The following CPPED1 variants were observed in gnomAD, a reference collection of about 807,000 sequenced individuals.
CPPED1 encodes the protein calcineurin like phosphoesterase domain containing 1, also known as serine/threonine-protein phosphatase CPPED1.
A neutral mutation model predicts 28.0 loss-of-function variants in CPPED1; 28 were observed. The observed-to-expected ratio is 1.00, with a 90% CI of 0.74 to 1.37. The LOEUF (loss-of-function observed/expected upper bound fraction) is 1.37. Among genes scored for constraint, CPPED1 ranks in the 40% most tolerant of loss-of-function variants. CPPED1 has a pLI of 0.00. For synonymous variants in CPPED1, 198 were observed against 180.2 expected (o/e 1.10, Z -0.79); for missense variants, 504 against 416.5 (o/e 1.21, Z -1.83).
Position 12,682,317 on chromosome 16 carries a change from C to A in CPPED1, c.716-17202G>T, listed in dbSNP as rs561401030. ...CCCAAAAGTGCTGAGATTACAGACA[C>A]GAGCCACCGCGCCCAGCCCCTTTAT... On this transcript the variant is annotated intron_variant, in intron 3 of 3. Coordinates refer to ENST00000381774, the MANE Select transcript of CPPED1 (RefSeq NM_018340.3). This position sits in a 1 kb window ranked among gnomAD's most constrained non-coding sequence, Gnocchi z 6.1. 1.3e-5 allele frequency among the ~76,000 whole-genome samples: 2 copies of A among 152,094 alleles called. No homozygotes were observed. The highest frequency in any genetic ancestry group is 4.8e-5 in the African/African-American group (2 of 41,416).
At chr16:12,768,299 G>A (rs2080450966) in intron 2 of CPPED1, among the ~76,000 whole-genome samples, 1 of 152,180 alleles carries the variant, frequency 6.6e-6, no homozygotes, top group African/African-American at 2.4e-5. Context: ...AAATAAATAA[G>A]GCGAGGCTCT....
chr16:12,753,235 G>A (rs1016879573), intron 2 of CPPED1: 8 of 152,302 alleles, frequency 5.3e-5, no homozygotes, highest in African/African-American at 1.9e-4. Flanking sequence ...CAGTGATGCT[G>A]TCCTGCAGTG....
At chr16:12,766,375 A>C (rs12598406) in intron 2 of CPPED1, among the ~76,000 whole-genome samples, 24,168 of 150,954 alleles carry the variant, frequency 0.16, 2,565 homozygotes, top group African/African-American at 0.3. Flanking sequence ...GTGAAGGAAA[A>C]GGGGTTTAAT....
At chr16:12,710,030 G>A (rs2080072201) in intron 2 of CPPED1, among the ~76,000 whole-genome samples, 1 of 151,542 alleles carries the variant, frequency 6.6e-6, no homozygotes, top group Non-Finnish European at 1.5e-5. Context: ...GGGAAGGAAA[G>A]GAAAGGGCAT....
rs369945677 is a variant in CPPED1 at position 12,664,978 on chromosome 16, C to T, written c.853G>A (p.Ala285Thr). The change falls in exon 4 of 4, where the codon GCC becomes ACC. Residue 285 changes from alanine (A) to threonine (T), a missense_variant. Coordinates refer to ENST00000381774, the MANE Select transcript of CPPED1 (RefSeq NM_018340.3). The surrounding 1 kb of genome is among the most constrained non-coding windows in gnomAD (Gnocchi z 4.2). ...PHGLRVVVVT[A>T]EKIVHRYYSL... ...TAGTATCGGTGAACAATTTTCTCGG[C>T]GGTGACCACCACGACTCGGAGCCCG... 62 of 1,610,762 alleles carry T rather than the reference C, an allele frequency of 3.8e-5. No individual in the cohort carries two copies. The highest frequency in any genetic ancestry group is 4.8e-5 in the Non-Finnish European group (56 of 1,178,916).
At position 12,713,962 on chromosome 16, in the gene CPPED1, C is replaced by G. The variant is rs537232152; in HGVS notation, c.290-8913G>C. On this transcript the variant is annotated intron_variant, in intron 2 of 3. Transcript: ENST00000381774. ...CCCCCCAACTCCCACCACCCTAATTCTAAGCAATCACTAATCTACCTTCTA... is the reference window on the plus strand; with the variant it reads ...CCCCCCAACTCCCACCACCCTAATTGTAAGCAATCACTAATCTACCTTCTA... 3.0e-4 allele frequency among the ~76,000 whole-genome samples: 46 copies of G among 152,236 alleles called. No individual in the cohort carries two copies. In the South Asian group the frequency reaches 8.3e-3, roughly 27 times the overall value.
chr16:12,767,975 AC>A (rs1420919370), intron 2 of CPPED1, among the ~76,000 whole-genome samples: 1 of 151,916 alleles, frequency 6.6e-6, no homozygotes, highest in African/African-American at 2.4e-5. Flanking sequence ...AAACAAAAAA[AC>A]CCCTGCCCTA....
intron 2 of CPPED1, among the ~76,000 whole-genome samples, chr16:12,728,885 T>A (rs1408794852): frequency 6.6e-6 from 1 of 152,124 alleles, no homozygotes; most frequent in Admixed American, 6.6e-5. Context: ...TCAAAAAGTG[T>A]TCAAAGAATT....
intron 2 of CPPED1, among the ~76,000 whole-genome samples, chr16:12,765,937 T>C (rs1032245055): frequency 2.0e-5 from 3 of 152,304 alleles, no homozygotes; most frequent in East Asian, 1.9e-4. Flanking sequence ...CAGTGCTTCA[T>C]TTCGTTGCAG....
chr16:12,689,385 C>T (rs1026597159), intron 3 of CPPED1, among the ~76,000 whole-genome samples: 21 of 111,236 alleles, frequency 1.9e-4, no homozygotes, highest in Middle Eastern at 5.1e-3. Flanking sequence ...CACCACCATG[C>T]CTGGCTAATT....
chr16:12,717,030 G>C (rs1454175115), intron 2 of CPPED1, among the ~76,000 whole-genome samples: 2 of 152,094 alleles, frequency 1.3e-5, no homozygotes, highest in Admixed American at 6.6e-5. Flanking sequence ...GGTGGAACTA[G>C]GGCCTGCTGA....
In CPPED1 at chr16:12,710,005, AAGGGAAGGAAGGG is replaced by A. The variant is rs1388589322; in HGVS notation, c.290-4969_290-4957del. Among the ~76,000 whole-genome samples, 4 of 150,498 alleles carry A rather than the reference AAGGGAAGGAAGGG, an allele frequency of 2.7e-5. No homozygotes were observed. In the East Asian group the frequency reaches 8.0e-4, roughly 30 times the overall value. On this transcript the variant is annotated intron_variant, in intron 2 of 3. Transcript: ENST00000381774. ...GGAAGGGAAGAGAAGAGAAGGAAGG[AAGGGAAGGAAGGG>A]AGGGAAGGAAAGGAAAGGGCATACA...
chr16:12,729,903 C>T (rs370997110), intron 2 of CPPED1, among the ~76,000 whole-genome samples: 1 of 152,084 alleles, frequency 6.6e-6, no homozygotes, highest in Non-Finnish European at 1.5e-5. Context: ...ACTCTGTTGC[C>T]GAGGCTGGAG....
intron 2 of CPPED1, among the ~76,000 whole-genome samples, chr16:12,759,056 AG>A (rs767222100): frequency 1.0e-4 from 15 of 149,132 alleles, no homozygotes; most frequent in Non-Finnish European, 1.9e-4. Context: ...CCAGCTACTC[AG>A]GGGGCTAGGG....
intron 2 of CPPED1, among the ~76,000 whole-genome samples, chr16:12,763,929 T>C (rs890101860): frequency 6.1e-5 from 9 of 146,628 alleles, no homozygotes; most frequent in African/African-American, 1.9e-4. Flanking sequence ...AGCTGGTATT[T>C]TGTCCACTGA....
At chr16:12,768,266 C>T (rs541036316) in intron 2 of CPPED1, among the ~76,000 whole-genome samples, 33 of 152,282 alleles carry the variant, frequency 2.2e-4, no homozygotes, top group African/African-American at 7.7e-4. Flanking sequence ...TCATTTTAAG[C>T]CTTCTCAAAT....
chr16:12,672,967 T>C (rs1049585478), intron 3 of CPPED1, among the ~76,000 whole-genome samples: 14 of 151,944 alleles, frequency 9.2e-5, no homozygotes, highest in Non-Finnish European at 1.6e-4. Flanking sequence ...TGAGCTGAGA[T>C]TGTGCCACTG....
intron 2 of CPPED1, among the ~76,000 whole-genome samples, chr16:12,721,980 GT>G (rs912259863): frequency 1.3e-5 from 2 of 150,894 alleles, no homozygotes; most frequent in Admixed American, 6.6e-5. Flanking sequence ...TAGTAAGAAT[GT>G]TTTTTTTTCC....
intron 2 of CPPED1, among the ~76,000 whole-genome samples, chr16:12,744,441 C>T (rs1426132428): frequency 1.3e-5 from 2 of 152,172 alleles, no homozygotes; most frequent in African/African-American, 4.8e-5. Flanking sequence ...CTGGGTTTAC[C>T]CTCCTGCCTG....
Sources: gnomAD v4.1 joint callset for allele counts (sites outside exome capture counted in the v4.1 genomes callset) on GRCh38, gnomAD v4.1.1 for gene constraint, Gnocchi (gnomAD v3.1) non-coding constraint, MANE v1.5 for transcripts, NCBI Gene and HGNC (gene_info 2026-07-23, HGNC 2026-07-21) for gene names.